GCA: variants seen among roughly 807,000 people sequenced by gnomAD.
GCA encodes grancalcin, also known as grancalcin, EF-hand calcium-binding protein.
Under a neutral mutation model 32.6 loss-of-function variants are expected in GCA, and 30 were observed. The ratio of observed to expected loss-of-function variants is 0.92; its 90% confidence interval spans 0.69 to 1.25. The LOEUF (loss-of-function observed/expected upper bound fraction) is 1.25. GCA is among the 50% of genes most tolerant of loss of function. GCA has a pLI of 0.00. For missense variants in GCA, 291 were observed against 266.8 expected (o/e 1.09, Z -0.63); for synonymous variants, 102 against 84.6 (o/e 1.21, Z -1.13).
chr2:162,371,097 A>G (rs1001743778), intron 4 of GCA, among the ~76,000 whole-genome samples: 1 of 152,174 alleles, frequency 6.6e-6, no homozygotes, highest in African/African-American at 2.4e-5. Flanking sequence ...GCCTCCAGAA[A>G]AAAAGCAAAA....
chr2:162,363,306 C>T (rs2105362597), downstream of GCA, among the ~76,000 whole-genome samples: 1 of 151,308 alleles, frequency 6.6e-6, no homozygotes, highest in African/African-American at 2.4e-5. Context: ...AAAATGCAAC[C>T]ATGGGTGTTT....
chr2:162,361,594 T>C lies in GCA; in HGVS notation c.*1351T>C. On this transcript the variant is annotated 3_prime_UTR_variant, in exon 8 of 8. Transcript: ENST00000437150. ...ACAGAATTTTAAATCAGCCTTCACT[T>C]AAAAAAATCCTGGAAAGGAAGTAAC... 1.0e-6 allele frequency: 1 copy of C among 982,444 alleles called. No individual in the cohort carries two copies. The highest frequency in any genetic ancestry group is 4.7e-5 in the South Asian group (1 of 21,236). 60.9% of individuals were successfully genotyped at this position (982,444 alleles called of 1,614,324 possible).
intron 3 of GCA, 143 bp downstream of exon 3, chr2:162,352,550 G>T (rs755591171): frequency 1.4e-5 from 8 of 589,880 alleles, no homozygotes; most frequent in Non-Finnish European, 2.1e-5. Context: ...TGTAAAACTC[G>T]TTATGAAAAT....
chr2:162,322,299 G>A (rs1683700072), intron 1 of GCA, among the ~76,000 whole-genome samples: 1 of 151,526 alleles, frequency 6.6e-6, no homozygotes, highest in Non-Finnish European at 1.5e-5. Context: ...ATAGCTTAAA[G>A]TCTTTTCAAA....
chr2:162,361,912 G>T lies in GCA; in HGVS notation c.*1669G>T. On this transcript the variant is annotated 3_prime_UTR_variant, in exon 8 of 8. Transcript: ENST00000437150. ...TCTTAACATCCAGGTTATACAGATG[G>T]TCGTTACTGAACTATTCTGCGGTCG... The T allele has an allele frequency of 2.0e-6, 2 of 984,646 alleles. No homozygotes were observed. Among genetic ancestry groups the T allele is most frequent in the African/African-American group, 3.5e-5 (2 of 57,270 alleles). The allele number at this position is 984,646 out of a possible 1,614,324, so 61.0% of individuals were successfully genotyped here.
exon 5 of GCA, chr2:162,371,568 T>A: frequency 1.2e-6 from 1 of 857,340 alleles, no homozygotes; most frequent in Non-Finnish European, 1.6e-6. Flanking sequence ...AACATGCATG[T>A]GATTTAAAAA....
intron 1 of GCA, among the ~76,000 whole-genome samples, chr2:162,325,491 T>A (rs1006286417): frequency 1.3e-5 from 2 of 152,046 alleles, no homozygotes; most frequent in East Asian, 3.9e-4. Context: ...GATAGAGAGG[T>A]GTGTTTTATC....
intron 1 of GCA, chr2:162,346,795 T>G (rs1048887664): frequency 2.0e-5 from 3 of 152,276 alleles, no homozygotes; most frequent in African/African-American, 7.2e-5. Context: ...AGACAATATT[T>G]TCATGTCCAA....
chr2:162,348,552 G>A (rs1003803107), intron 2 of GCA, among the ~76,000 whole-genome samples: 2 of 152,076 alleles, frequency 1.3e-5, no homozygotes, highest in Non-Finnish European at 2.9e-5. Flanking sequence ...TTACGATGTG[G>A]TATGGTTTTA....
chr2:162,324,471 G>A (rs1237403848), intron 1 of GCA, among the ~76,000 whole-genome samples: 1 of 152,160 alleles, frequency 6.6e-6, no homozygotes, highest in African/African-American at 2.4e-5. Flanking sequence ...CCAGTGTGCT[G>A]GTGCCTTTTG....
downstream of GCA, among the ~76,000 whole-genome samples, chr2:162,375,307 A>C (rs928207260): frequency 1.2e-4 from 18 of 152,352 alleles, 1 homozygote; most frequent in Admixed American, 8.5e-4. Flanking sequence ...AGATCCAAAA[A>C]TGAGTCAAAA....
downstream of GCA, among the ~76,000 whole-genome samples, chr2:162,365,907 G>T (rs190063209): frequency 6.6e-6 from 1 of 151,650 alleles, no homozygotes; most frequent in Admixed American, 6.6e-5. Flanking sequence ...TAAGATTACT[G>T]ATCCTTTAAT....
Position 162,362,237 on chromosome 2 carries a change from A to G in GCA, c.*1994A>G. On this transcript the variant is annotated 3_prime_UTR_variant, in exon 8 of 8. Transcript: ENST00000437150. Reference sequence around the variant, plus strand: ...ATTTTATTTGACCCAGTTTTTTCCAAACTTTTTGACCACAGAACCCCTTTC... The same window carrying G: ...ATTTTATTTGACCCAGTTTTTTCCAGACTTTTTGACCACAGAACCCCTTTC... 1.0e-6 allele frequency: 1 copy of G among 984,528 alleles called. No individual in the cohort carries two copies. Among genetic ancestry groups the G allele is most frequent in the Non-Finnish European group, 1.2e-6 (1 of 829,454 alleles). The allele number at this position is 984,528 out of a possible 1,614,324, so 61.0% of individuals were successfully genotyped here. A position where few individuals can be genotyped will look rare whatever the true frequency, so the allele number is the denominator to read the frequency against.
At chr2:162,369,591 C>T (rs977054460) in intron 4 of GCA, among the ~76,000 whole-genome samples, 5 of 152,030 alleles carry the variant, frequency 3.3e-5, no homozygotes, top group Admixed American at 1.3e-4. Context: ...GCATGTCATA[C>T]CAAATGTTGC....
At chr2:162,336,713 T>C (rs989757262) in intron 1 of GCA, among the ~76,000 whole-genome samples, 2 of 152,220 alleles carry the variant, frequency 1.3e-5, no homozygotes, top group Non-Finnish European at 2.9e-5. Context: ...TAAGTATCAA[T>C]TAATCATTCA....
chr2:162,362,304 C>T lies in GCA; in HGVS notation c.*2061C>T. ...ATTCTATGCCGATCCAACTTAATTG[C>T]CAGGCAACTCTTCTGCACTTTACAT... On this transcript the variant is annotated 3_prime_UTR_variant, in exon 8 of 8. Coordinates refer to ENST00000437150, the MANE Select transcript of GCA (RefSeq NM_012198.5). The T allele has an allele frequency of 1.0e-6, 1 of 984,144 alleles. No homozygotes were observed. Among genetic ancestry groups the T allele is most frequent in the Non-Finnish European group, 1.2e-6 (1 of 829,052 alleles). 61.0% of individuals were successfully genotyped at this position (984,144 alleles called of 1,614,324 possible).
At chr2:162,344,325 C>A in intron 1 of GCA, 50 bp downstream of exon 1, 2 of 1,582,178 alleles carry the variant, frequency 1.3e-6, no homozygotes, top group Non-Finnish European at 1.7e-6. Flanking sequence ...GGGTGTGGCG[C>A]CCCCGGGGGC....
At chr2:162,340,826 T>C (rs1299676553), upstream of GCA, among the ~76,000 whole-genome samples, 5 of 152,276 alleles carry the variant, frequency 3.3e-5, no homozygotes, top group East Asian at 9.6e-4. Context: ...GGAAATGTCT[T>C]CCTACAGATA....
chr2:162,361,906 C>G lies in GCA; in HGVS notation c.*1663C>G. On this transcript the variant is annotated 3_prime_UTR_variant, in exon 8 of 8. Transcript: ENST00000437150. ...CTGTAATCTTAACATCCAGGTTATA[C>G]AGATGGTCGTTACTGAACTATTCTG... 1 of 984,538 alleles carries G rather than the reference C, an allele frequency of 1.0e-6. No homozygotes were observed. The highest frequency in any genetic ancestry group is 1.2e-6 in the Non-Finnish European group (1 of 829,352). 61.0% of individuals were successfully genotyped at this position (984,538 alleles called of 1,614,324 possible).
Sources: gnomAD v4.1 joint callset for allele counts (sites outside exome capture counted in the v4.1 genomes callset) on GRCh38, gnomAD v4.1.1 for gene constraint, MANE v1.5 for transcripts, NCBI Gene and HGNC (gene_info 2026-07-23, HGNC 2026-07-21) for gene names.